Variants in RORA observed in about 807,000 individuals in gnomAD.
RORA encodes RAR related orphan receptor A.
Under a neutral mutation model 69.5 loss-of-function variants are expected in RORA, and 7 were observed. That is an observed-to-expected ratio of 0.10 (90% CI 0.06 to 0.19). RORA has a LOEUF of 0.19. Ranked by LOEUF, RORA falls within the 10% of genes least tolerant of loss-of-function variation. RORA has a pLI of 1.00. For missense variants in RORA, 457 were observed against 663.0 expected, an observed-to-expected ratio of 0.69 and a Z score of 3.41; for synonymous variants, 261 against 240.8, an observed-to-expected ratio of 1.08 and a Z score of -0.78.
chr15:61,037,744 G>T (rs902500501), intron 1 of RORA, among the ~76,000 whole-genome samples: 2 of 152,164 alleles, frequency 1.3e-5, no homozygotes, highest in Non-Finnish European at 2.9e-5. Context: ...TAATCTAGTG[G>T]GAAAAAGAGA....
intron 1 of RORA, among the ~76,000 whole-genome samples, chr15:61,221,643 G>A (rs940122263): frequency 2.6e-5 from 4 of 151,952 alleles, no homozygotes; most frequent in African/African-American, 7.3e-5. Flanking sequence ...TACCACTTAC[G>A]TACAGCAACT....
At chr15:61,207,388 G>A (rs2079952360) in intron 1 of RORA, among the ~76,000 whole-genome samples, 1 of 152,158 alleles carries the variant, frequency 6.6e-6, no homozygotes, top group Non-Finnish European at 1.5e-5. Context: ...CCAGAGCTAG[G>A]TTTTAAATGA....
At chr15:60,959,742 G>GA (rs1893363644) in intron 1 of RORA, among the ~76,000 whole-genome samples, 1 of 152,156 alleles carries the variant, frequency 6.6e-6, no homozygotes, top group African/African-American at 2.4e-5. Context: ...GGACGCATTT[G>GA]AAAAAACACC....
chr15:60,767,198 C>T (rs2072004216), intron 1 of RORA, among the ~76,000 whole-genome samples: 1 of 152,094 alleles, frequency 6.6e-6, no homozygotes, highest in Non-Finnish European at 1.5e-5. Flanking sequence ...ATATTTTTTT[C>T]TAGACTGAGG....
chr15:60,630,459 A>C (rs184285676), intron 2 of RORA: 7 of 152,352 alleles, frequency 4.6e-5, no homozygotes, highest in African/African-American at 1.4e-4. Context: ...GCTTTGAAAA[A>C]GGAAGATAAC....
At chr15:60,503,748 A>G in intron 6 of RORA, 81 bp from the exon 7 acceptor site, 2 of 1,539,406 alleles carry the variant, frequency 1.3e-6, no homozygotes, top group Non-Finnish European at 1.8e-6. Context: ...ATGAAAGCAA[A>G]GCATGCCACT....
intron 1 of RORA, among the ~76,000 whole-genome samples, chr15:60,683,124 C>T (rs2070672532): frequency 6.6e-6 from 1 of 152,166 alleles, no homozygotes; most frequent in Non-Finnish European, 1.5e-5. Context: ...CATCCTCTCA[C>T]CTCAGCCTCC....
intron 2 of RORA, among the ~76,000 whole-genome samples, chr15:60,548,692 C>T (rs879557039): frequency 2.0e-5 from 3 of 152,178 alleles, no homozygotes; most frequent in Non-Finnish European, 4.4e-5. Flanking sequence ...GGCTGGAGTG[C>T]AGTGGCGCGA....
At chr15:61,076,509 A>G (rs1324204084) in intron 1 of RORA, among the ~76,000 whole-genome samples, 2 of 152,242 alleles carry the variant, frequency 1.3e-5, no homozygotes, top group Non-Finnish European at 2.9e-5. Context: ...CTAAAGATAG[A>G]CTTAATTCAT....
At chr15:61,118,271 C>T (rs1036939228) in intron 1 of RORA, among the ~76,000 whole-genome samples, 1 of 152,110 alleles carries the variant, frequency 6.6e-6, no homozygotes, top group African/African-American at 2.4e-5. Flanking sequence ...TCAGGCCTGC[C>T]CTGTCTCTCG....
rs779106677 is a variant in RORA at position 60,511,601 on chromosome 15, A to G, written c.445T>C (p.Ser149Pro). ...TACAAGCTGTCTCTCTGCTTTTTTG[A>G]CATTCGGCCAAATTTTACAGCTGGA... The part of the protein sequence containing the change: ...SRDAVKFGRM[S>P]KKQRDSLYAE... Residue 149 changes from serine to proline, a missense_variant, in exon 5 of 11, where the codon TCA becomes CCA. Around this residue, in one of 3 missense-constraint regions of RORA, gnomAD observed 34 missense variants for 123.2 expected, o/e 0.28. Transcript: ENST00000335670. The surrounding 1 kb of genome is among the most constrained non-coding windows in gnomAD (Gnocchi z 6.4). The G allele has an allele frequency of 6.2e-7, 1 of 1,605,454 alleles. No individual in the cohort carries two copies. The highest frequency in any genetic ancestry group is 8.5e-7 in the Non-Finnish European group (1 of 1,174,920).
intron 1 of RORA, among the ~76,000 whole-genome samples, chr15:60,707,458 G>A (rs2071080267): frequency 6.6e-6 from 1 of 151,768 alleles, no homozygotes; most frequent in South Asian, 2.1e-4. Flanking sequence ...CCGCCTCCCG[G>A]GTTCACGCCA....
intron 1 of RORA, among the ~76,000 whole-genome samples, chr15:60,895,696 T>C (rs1028011394): frequency 6.6e-6 from 1 of 152,226 alleles, no homozygotes; most frequent in Non-Finnish European, 1.5e-5. Context: ...AATAACTCTT[T>C]ACAGGCATGG....
chr15:60,585,346 A>G (rs934753565), intron 2 of RORA, among the ~76,000 whole-genome samples: 1 of 152,228 alleles, frequency 6.6e-6, no homozygotes, highest in Non-Finnish European at 1.5e-5. Flanking sequence ...AGAGTTTCTG[A>G]CATATCCTCT....
At chr15:60,670,301 C>T (rs1657805) in intron 2 of RORA, among the ~76,000 whole-genome samples, 27,989 of 151,212 alleles carry the variant, frequency 0.19, 2,891 homozygotes, top group East Asian at 0.27. Flanking sequence ...CTTCGGCATC[C>T]CAGGTTCAAG....
intron 1 of RORA, among the ~76,000 whole-genome samples, chr15:60,979,643 G>T (rs1178841026): frequency 6.6e-6 from 1 of 152,000 alleles, no homozygotes. Context: ...CATTGTAAGT[G>T]TATAGAAAGA....
intron 1 of RORA, among the ~76,000 whole-genome samples, chr15:60,872,752 A>G (rs2073570806): frequency 6.6e-6 from 1 of 152,076 alleles, no homozygotes. Context: ...CAGCAACAAC[A>G]ATATCAAAGT....
chr15:61,111,938 A>G lies in RORA; in HGVS notation c.166+117115T>C, dbSNP rs146279057. On this transcript the variant is annotated intron_variant, in intron 1 of 10. Transcript: ENST00000335670. ...TTTCATTTATTCACTCATTCATTCAATTCAACTAATTTATCGAGCAACCCT... is the reference window on the plus strand; with the variant it reads ...TTTCATTTATTCACTCATTCATTCAGTTCAACTAATTTATCGAGCAACCCT... Among the ~76,000 whole-genome samples the G allele has an allele frequency of 3.9e-5, 6 of 152,330 alleles. No individual in the cohort carries two copies. In the East Asian group the frequency reaches 5.8e-4, roughly 15 times the overall value.
intron 1 of RORA, among the ~76,000 whole-genome samples, chr15:60,874,448 T>C (rs775700180): frequency 6.6e-6 from 1 of 152,132 alleles, no homozygotes; most frequent in Non-Finnish European, 1.5e-5. Flanking sequence ...GCAGAGTAAA[T>C]ACTTTTAGTT....
Sources: allele counts gnomAD v4.1 joint callset (sites outside exome capture counted in the v4.1 genomes callset), GRCh38; gene constraint gnomAD v4.1.1; regional missense constraint gnomAD v4.1.1; non-coding constraint Gnocchi (gnomAD v3.1); transcripts MANE v1.5; gene names NCBI Gene and HGNC (gene_info 2026-07-23, HGNC 2026-07-21).